TMEM192: variants seen among roughly 807,000 people sequenced by gnomAD.
TMEM192 encodes transmembrane protein 192.
Under a neutral mutation model 26.7 loss-of-function variants are expected in TMEM192, and 20 were observed. The observed-to-expected ratio is 0.75, with a 90% CI of 0.53 to 1.09. The LOEUF (loss-of-function observed/expected upper bound fraction) is 1.09, where lower values mean the gene tolerates loss of function less well. TMEM192 is among the 50% of genes least tolerant of loss of function. The pLI, the probability that TMEM192 is intolerant of heterozygous loss-of-function variation, is 0.00. For missense variants in TMEM192, 304 were observed against 322.6 expected, an observed-to-expected ratio of 0.94 and a Z score of 0.44; for synonymous variants, 124 against 121.0, an observed-to-expected ratio of 1.02 and a Z score of -0.16.
chr4:165,098,418 C>T (rs941278899), intron 3 of TMEM192, among the ~76,000 whole-genome samples: 4 of 152,074 alleles, frequency 2.6e-5, no homozygotes, highest in African/African-American at 9.7e-5. Context: ...AGCCACCACG[C>T]CCAGGAATTT....
intron 4 of TMEM192, among the ~76,000 whole-genome samples, chr4:165,088,198 AC>A (rs1397110663): frequency 2.0e-5 from 3 of 152,162 alleles, no homozygotes; most frequent in African/African-American, 7.2e-5. Flanking sequence ...GGCTTGAGCC[AC>A]CATTCCCAGC....
chr4:165,101,297 C>G (rs1279699684), intron 2 of TMEM192, among the ~76,000 whole-genome samples: 1 of 152,080 alleles, frequency 6.6e-6, no homozygotes, highest in Non-Finnish European at 1.5e-5. Context: ...ATTCTTATAC[C>G]TACAGCTTCC....
At chr4:165,098,858 C>T (rs1048416626) in intron 3 of TMEM192, among the ~76,000 whole-genome samples, 5 of 151,608 alleles carry the variant, frequency 3.3e-5, no homozygotes, top group East Asian at 3.9e-4. Flanking sequence ...CCACCACACC[C>T]GGCTAATTTT....
chr4:165,110,371 G>A (rs1329224976), intron 1 of TMEM192, among the ~76,000 whole-genome samples: 2 of 152,140 alleles, frequency 1.3e-5, no homozygotes, highest in African/African-American at 4.8e-5. Flanking sequence ...CTCTAGGAGT[G>A]GTCATGGAAC....
intron 3 of TMEM192, among the ~76,000 whole-genome samples, chr4:165,092,084 C>T (rs1734778157): frequency 6.7e-6 from 1 of 149,120 alleles, no homozygotes; most frequent in Admixed American, 6.7e-5. Context: ...GTACCTTTCT[C>T]ACAATGCTGT....
In TMEM192 at chr4:165,071,307, G is replaced by A. The variant is rs1253843590; in HGVS notation, c.*8351C>T. ...GTGGGAGGATTTTTTTTTTTTGGGG[G>A]GGGGACGGATTCTCACTCTTGTCAC... On this transcript the variant is annotated 3_prime_UTR_variant, in exon 6 of 6. Transcript: ENST00000306480. 1 of 148,654 alleles carries A rather than the reference G, an allele frequency of 6.7e-6. No individual in the cohort carries two copies. The highest frequency in any genetic ancestry group is 6.7e-5 in the Admixed American group (1 of 14,948). The allele number at this position is 148,654 out of a possible 1,614,324, so 9.2% of individuals were successfully genotyped here.
chr4:165,110,038 T>C (rs2110804418), intron 1 of TMEM192, among the ~76,000 whole-genome samples: 1 of 152,358 alleles, frequency 6.6e-6, no homozygotes, highest in Admixed American at 6.5e-5. Flanking sequence ...AATATGGTTC[T>C]TCTCTATGTC....
At position 165,102,940 on chromosome 4, in the gene TMEM192, G is replaced by C; in HGVS notation, c.174+10C>G. The C allele has an allele frequency of 1.2e-6, 2 of 1,606,448 alleles. No homozygotes were observed. ...CCTCTGGATAGGTCCCCTTCTTGCA[G>C]CCAACTTACATGAATAAACCACAGA... On this transcript the variant is annotated intron_variant, in intron 2 of 5. Transcript: ENST00000306480.
At chr4:165,089,343 C>T (rs1049520776) in intron 3 of TMEM192, among the ~76,000 whole-genome samples, 5 of 151,678 alleles carry the variant, frequency 3.3e-5, no homozygotes, top group South Asian at 4.2e-4. Flanking sequence ...TTTTTGGAGA[C>T]GGAGTCTCAC....
rs759600890 is a variant in TMEM192 at position 165,112,763 on chromosome 4, C to G, written c.11G>C (p.Gly4Ala). The change falls in exon 1 of 6, where the codon GGG becomes GCG. Residue 4 changes from glycine to alanine, a missense_variant. Transcript: ENST00000306480. The part of the protein sequence containing the change: MAA[G>A]GRMEDGSLDI... ...TGCACTCACGTCCTCCATCCTGCCC[C>G]CCGCCGCCATTTCCCGACGCCGGAG... 2 of 1,608,314 alleles carry G rather than the reference C, an allele frequency of 1.2e-6. No homozygotes were observed. Among genetic ancestry groups the G allele is most frequent in the East Asian group, 2.2e-5 (1 of 44,690 alleles).
At position 165,088,478 on chromosome 4, in the gene TMEM192, G is replaced by T. The variant is rs1157501991; in HGVS notation, c.564C>A (p.Leu188=). Residue 188 remains leucine (L), a synonymous_variant, in exon 4 of 6, where the codon CTC becomes CTA. Transcript: ENST00000306480. ...CGTTGTAATTCTCACCTGTGTAAAT[G>T]AGGAGACATATCAGGGAACAGATGA... The part of the protein sequence containing the change: ...LELICSLICL[L]IYTVKIRRFN... The T allele has an allele frequency of 1.9e-6, 3 of 1,613,302 alleles. No homozygotes were observed. In the African/African-American group the frequency reaches 4.0e-5, roughly 22 times the overall value.
At position 165,086,178 on chromosome 4, in the gene TMEM192, T is replaced by A. The variant is rs576584356; in HGVS notation, c.575-490A>T. Reference sequence around the variant, plus strand: ...GCTTTTTGGCCTGGAAAGCAGTGCCTAACTCAACAGGAGGTATCAGAGAGG... The same window carrying A: ...GCTTTTTGGCCTGGAAAGCAGTGCCAAACTCAACAGGAGGTATCAGAGAGG... On this transcript the variant is annotated intron_variant, in intron 4 of 5. Transcript: ENST00000306480. Among the ~76,000 whole-genome samples, 6 of 152,220 alleles carry A rather than the reference T, an allele frequency of 3.9e-5. No individual in the cohort carries two copies. The East Asian group carries it at 1.2e-3, about 29-fold the overall frequency.
At chr4:165,109,704 C>T (rs1438416671) in intron 1 of TMEM192, among the ~76,000 whole-genome samples, 1 of 152,220 alleles carries the variant, frequency 6.6e-6, no homozygotes, top group Non-Finnish European at 1.5e-5. Context: ...TTGAAAACTT[C>T]ACTATAAGAC....
intron 4 of TMEM192, among the ~76,000 whole-genome samples, chr4:165,086,313 G>A (rs1361556129): frequency 1.6e-4 from 24 of 152,054 alleles, no homozygotes; most frequent in Admixed American, 1.5e-3. Context: ...GTCTTGAGAA[G>A]CTACACGTAT....
chr4:165,091,107 T>C lies in TMEM192; in HGVS notation c.440-2505A>G, dbSNP rs1175725141. Reference sequence around the variant, plus strand: ...AGTGAAACCCCGTCCCTACTAAAAATACGAAAAAAATTAGCCAGGCGTGGT... The same window carrying C: ...AGTGAAACCCCGTCCCTACTAAAAACACGAAAAAAATTAGCCAGGCGTGGT... On this transcript the variant is annotated intron_variant, in intron 3 of 5. Transcript: ENST00000306480. Among the ~76,000 whole-genome samples, 4 of 151,034 alleles carry C rather than the reference T, an allele frequency of 2.6e-5. No homozygotes were observed. The East Asian group carries it at 5.9e-4, about 22-fold the overall frequency.
intron 3 of TMEM192, among the ~76,000 whole-genome samples, chr4:165,099,374 C>T (rs1734986969): frequency 6.6e-6 from 1 of 152,120 alleles, no homozygotes; most frequent in Admixed American, 6.6e-5. Flanking sequence ...GCATGAGCTA[C>T]TGTGCCCGGC....
chr4:165,108,243 C>T (rs1305367287), intron 1 of TMEM192, among the ~76,000 whole-genome samples: 2 of 151,216 alleles, frequency 1.3e-5, no homozygotes, highest in African/African-American at 4.9e-5. Context: ...CTGCCTCAGC[C>T]TCCCAAGTAG....
rs1186529496 is a variant in TMEM192 at position 165,075,746 on chromosome 4, T to C, written c.*3912A>G. The C allele has an allele frequency of 6.6e-6, 1 of 151,836 alleles. No homozygotes were observed. The highest frequency in any genetic ancestry group is 1.5e-5 in the Non-Finnish European group (1 of 67,978). 9.4% of individuals were successfully genotyped at this position (151,836 alleles called of 1,614,324 possible). A position where few individuals can be genotyped will look rare whatever the true frequency, so the allele number is the denominator to read the frequency against. The stretch of plus-strand genomic sequence containing the variant: ...CACCACACCTGGCTGATATTTGTAT[T>C]CTTAGTAGAGATGGGGTTTCACCAT... On this transcript the variant is annotated 3_prime_UTR_variant, in exon 6 of 6. Coordinates refer to ENST00000306480, the MANE Select transcript of TMEM192 (RefSeq NM_001100389.2).
chr4:165,103,179 T>A, intron 1 of TMEM192, 83 bp from the exon 2 acceptor site: 1 of 1,303,472 alleles, frequency 7.7e-7, no homozygotes, highest in Non-Finnish European at 1.0e-6. Flanking sequence ...CTACAGAGCT[T>A]TTTAACCACA....
Sources: gnomAD v4.1 joint callset for allele counts (sites outside exome capture counted in the v4.1 genomes callset) on GRCh38, gnomAD v4.1.1 for gene constraint, MANE v1.5 for transcripts, NCBI Gene and HGNC (gene_info 2026-07-23, HGNC 2026-07-21) for gene names.